The following PAK2 variants were observed in gnomAD, a reference collection of about 807,000 sequenced individuals.
The protein encoded by PAK2 is serine/threonine-protein kinase PAK 2.
In PAK2, 21 loss-of-function variants were observed where a neutral mutation model predicts 65.9. The ratio of observed to expected loss-of-function variants is 0.32; its 90% CI spans 0.23 to 0.46. The LOEUF is 0.46. PAK2 is among the 20% of genes least tolerant of loss of function. The pLI, the probability that PAK2 is intolerant of heterozygous loss-of-function variation, is 1.00. For missense variants in PAK2, 324 were observed against 642.6 expected (o/e 0.50, Z 5.36); for synonymous variants, 204 against 219.7 (o/e 0.93, Z 0.63).
rs1438626322 is a variant in PAK2 at position 196,830,381 on chromosome 3, G to A, written c.*1976G>A. ...TTTATTTCTGGCAGAAAGCTGCAGT[G>A]CCACCTGAGTTCCAAATTTTACCAT... On this transcript the variant is annotated 3_prime_UTR_variant, in exon 15 of 15. Transcript: ENST00000327134. 3 of 152,334 alleles carry A rather than the reference G, an allele frequency of 2.0e-5. No individual in the cohort carries two copies. The East Asian group carries it at 5.8e-4, about 29-fold the overall frequency. 9.4% of individuals were successfully genotyped at this position (152,334 alleles called of 1,614,324 possible). A position where few individuals can be genotyped will look rare whatever the true frequency, so the allele number is the denominator to read the frequency against.
At chr3:196,819,117 A>T (rs886564377) in intron 12 of PAK2, among the ~76,000 whole-genome samples, 7 of 152,162 alleles carry the variant, frequency 4.6e-5, no homozygotes, top group African/African-American at 1.7e-4. Flanking sequence ...AATTACATGG[A>T]TTATTATATT....
intron 1 of PAK2, 48 bp from the exon 2 acceptor site, chr3:196,782,578 T>A: frequency 1.2e-6 from 1 of 867,970 alleles, no homozygotes; most frequent in Non-Finnish European, 1.8e-6. Flanking sequence ...TTTTGCTTGT[T>A]CGTGCTATTT....
chr3:196,785,076 G>T (rs1714842147), intron 2 of PAK2: 1 of 152,220 alleles, frequency 6.6e-6, no homozygotes, highest in Admixed American at 6.6e-5. Flanking sequence ...ATGTGCTGCT[G>T]AAGCGAGCAC....
rs1436828997 is a variant in PAK2 at position 196,791,087 on chromosome 3, C to T, written c.187+8254C>T. ...TTCTTCTGCCATCCTGACTGAACCC[C>T]CACATCTACATAAATTTATTGTGAT... On this transcript the variant is annotated intron_variant, in intron 2 of 14. Transcript: ENST00000327134. The surrounding 1 kb of genome is among the most constrained non-coding windows in gnomAD (Gnocchi z 4.0). 6.6e-6 allele frequency among the ~76,000 whole-genome samples: 1 copy of T among 152,170 alleles called. No homozygotes were observed. The highest frequency in any genetic ancestry group is 1.5e-5 in the Non-Finnish European group (1 of 68,040).
At position 196,803,267 on chromosome 3, in the gene PAK2, T is replaced by G. The variant is rs763365578; in HGVS notation, c.436+103T>G. 326 of 944,614 alleles carry G rather than the reference T, an allele frequency of 3.5e-4. 1 individual carries two copies. The highest frequency in any genetic ancestry group is 4.7e-4 in the Non-Finnish European group (304 of 643,114). 58.5% of individuals were successfully genotyped at this position (944,614 alleles called of 1,614,324 possible). ...TGAAAAGCTAAACTATGGTTCTTGTTGATAACGGTTTTTCCCTGGATAGAT... is the reference window on the plus strand; with the variant it reads ...TGAAAAGCTAAACTATGGTTCTTGTGGATAACGGTTTTTCCCTGGATAGAT... On this transcript the variant is annotated intron_variant, in intron 4 of 14. Transcript: ENST00000327134.
intron 1 of PAK2, among the ~76,000 whole-genome samples, chr3:196,756,607 C>G (rs975971811): frequency 1.3e-5 from 2 of 152,030 alleles, no homozygotes; most frequent in African/African-American, 4.8e-5. Flanking sequence ...GGAGGCCGAG[C>G]TGGGAGGATC....
chr3:196,812,406 C>A, intron 9 of PAK2, 139 bp downstream of exon 9: 1 of 658,042 alleles, frequency 1.5e-6, no homozygotes, highest in Middle Eastern at 2.6e-4. Context: ...GTTTATAGCA[C>A]TTCTGTCAGT....
At position 196,803,169 on chromosome 3, in the gene PAK2, G is replaced by C; in HGVS notation, c.436+5G>C. On this transcript the variant is annotated splice_donor_5th_base_variant and intron_variant, in intron 4 of 14. Transcript: ENST00000327134. ...ATCTGAGCTTTACTCCTCCTGGTAA[G>C]AGAGTGGCATAAGGCTGGATCAGAT... The C allele has an allele frequency of 6.3e-7, 1 of 1,596,314 alleles. No homozygotes were observed. The highest frequency in any genetic ancestry group is 8.5e-7 in the Non-Finnish European group (1 of 1,172,394).
At chr3:196,743,853 G>T (rs1432831345) in intron 1 of PAK2, among the ~76,000 whole-genome samples, 1 of 152,134 alleles carries the variant, frequency 6.6e-6, no homozygotes, top group Admixed American at 6.5e-5. Context: ...CTGCACTTCA[G>T]CCTGGGTGAC....
At chr3:196,740,651 C>T (rs905614136) in intron 1 of PAK2, among the ~76,000 whole-genome samples, 1 of 152,164 alleles carries the variant, frequency 6.6e-6, no homozygotes, top group Non-Finnish European at 1.5e-5. Context: ...TTCTCAGCTC[C>T]AGCCTGTAAC....
At chr3:196,744,511 C>T (rs188098211) in intron 1 of PAK2, among the ~76,000 whole-genome samples, 112 of 152,264 alleles carry the variant, frequency 7.4e-4, no homozygotes, top group South Asian at 1.9e-3. Flanking sequence ...GCATTCCAGC[C>T]TGGGTGACAG....
intron 1 of PAK2, among the ~76,000 whole-genome samples, chr3:196,742,877 G>T (rs1374814508): frequency 3.3e-5 from 5 of 152,150 alleles, no homozygotes; most frequent in African/African-American, 1.2e-4. Flanking sequence ...TCGAGATCGC[G>T]CCACTGCACT....
chr3:196,810,049 A>C (rs1386233716), intron 7 of PAK2, among the ~76,000 whole-genome samples: 1 of 152,008 alleles, frequency 6.6e-6, no homozygotes, highest in Non-Finnish European at 1.5e-5. Flanking sequence ...ATATATTGAA[A>C]GATGAAATGT....
rs1183639785 is a variant in PAK2, at chr3:196,807,762, A to G, written c.577-20A>G. 2 of 1,433,962 alleles carry G rather than the reference A, an allele frequency of 1.4e-6. No homozygotes were observed. Among genetic ancestry groups the G allele is most frequent in the East Asian group, 2.3e-5 (1 of 43,878 alleles). 88.8% of individuals were successfully genotyped at this position (1,433,962 alleles called of 1,614,324 possible). A position where few individuals can be genotyped will look rare whatever the true frequency, so the allele number is the denominator to read the frequency against. On this transcript the variant is annotated intron_variant, in intron 6 of 14. Coordinates refer to ENST00000327134, the MANE Select transcript of PAK2 (RefSeq NM_002577.4). ...AAAACATTATTCCTCAAACCTTGGT[A>G]ATGAACTGTGTCTCCACAGATTTAC...
In PAK2 at chr3:196,820,229, C is replaced by G; in HGVS notation, c.1154-142C>G. ...TACATCATGAAAATATTTTTAAACT[C>G]ATTCTGGTTTACTTTATTAATGAAA... On this transcript the variant is annotated intron_variant, in intron 12 of 14. Coordinates refer to ENST00000327134, the MANE Select transcript of PAK2 (RefSeq NM_002577.4). This position sits in a 1 kb window ranked among gnomAD's most constrained non-coding sequence, Gnocchi z 4.6. 1 of 406,870 alleles carries G rather than the reference C, an allele frequency of 2.5e-6. No homozygotes were observed. Among genetic ancestry groups the G allele is most frequent in the Non-Finnish European group, 4.3e-6 (1 of 233,190 alleles). 25.2% of individuals were successfully genotyped at this position (406,870 alleles called of 1,614,324 possible).
At chr3:196,742,715 C>G (rs997433256) in intron 1 of PAK2, among the ~76,000 whole-genome samples, 15 of 152,176 alleles carry the variant, frequency 9.9e-5, no homozygotes, top group African/African-American at 3.4e-4. Flanking sequence ...GAGATCAAGA[C>G]CATCCTGGCT....
intron 1 of PAK2, among the ~76,000 whole-genome samples, chr3:196,751,689 ATAT>A (rs1367954704): frequency 4.1e-5 from 3 of 72,314 alleles, no homozygotes; most frequent in African/African-American, 2.5e-4. Flanking sequence ...ATATATATAT[ATAT>A]ATAATTCAGG....
intron 13 of PAK2, among the ~76,000 whole-genome samples, chr3:196,821,411 A>G (rs1051478713): frequency 2.6e-5 from 4 of 152,094 alleles, no homozygotes; most frequent in African/African-American, 9.7e-5. Flanking sequence ...ACAATTAATA[A>G]ATATTGGTGA....
intron 3 of PAK2, among the ~76,000 whole-genome samples, chr3:196,802,500 C>A (rs750733319): frequency 3.3e-5 from 5 of 152,020 alleles, no homozygotes; most frequent in African/African-American, 1.2e-4. Context: ...ATATCGTTTT[C>A]CTAGAGAGCA....
Sources: allele counts gnomAD v4.1 joint callset (sites outside exome capture counted in the v4.1 genomes callset), GRCh38; gene constraint gnomAD v4.1.1; non-coding constraint Gnocchi (gnomAD v3.1); transcripts MANE v1.5; gene names NCBI Gene and HGNC (gene_info 2026-07-23, HGNC 2026-07-21).